LIMCH1: variants seen among roughly 807,000 people sequenced by gnomAD.
LIMCH1 encodes the protein LIM and calponin homology domains 1, also known as LIM and calponin homology domains-containing protein 1.
Under a neutral mutation model 176.5 loss-of-function variants are expected in LIMCH1, and 113 were observed. The observed-to-expected ratio is 0.64, with a 90% CI of 0.55 to 0.75. The LOEUF is 0.75. LIMCH1 is among the 30% of genes least tolerant of loss of function. LIMCH1 has a pLI of 0.00. For synonymous variants in LIMCH1, 619 were observed against 645.9 expected (o/e 0.96, Z 0.63); for missense variants, 1,674 against 1,814.9 (o/e 0.92, Z 1.41).
At chr4:41,610,353 C>T (rs553967327) in intron 4 of LIMCH1, among the ~76,000 whole-genome samples, 22 of 152,114 alleles carry the variant, frequency 1.4e-4, no homozygotes, top group African/African-American at 2.4e-4. Context: ...ACCAGCGGTC[C>T]GCCTCCCTGA....
At chr4:41,366,258 C>T (rs891313082) in intron 1 of LIMCH1, among the ~76,000 whole-genome samples, 8 of 152,142 alleles carry the variant, frequency 5.3e-5, no homozygotes, top group Middle Eastern at 3.4e-3. Context: ...ACAGTTGGCC[C>T]CTCGAAGTGG....
intron 30 of LIMCH1, among the ~76,000 whole-genome samples, chr4:41,690,950 A>G (rs570900035): frequency 2.0e-5 from 3 of 152,302 alleles, no homozygotes; most frequent in African/African-American, 7.2e-5. Context: ...GGCTCAAGGA[A>G]TATGCTTTTT....
rs4590080 is a variant in LIMCH1, at chr4:41,632,760, G to C, written c.1613G>C (p.Cys538Ser). 0.077 allele frequency: 117,857 copies of C among 1,535,786 alleles called. 12,261 individuals carry two copies. Among genetic ancestry groups the C allele is most frequent in the African/African-American group, 0.51 (37,073 of 73,066 alleles). The change falls in exon 11 of 32, where the codon TGT becomes TCT. Residue 538 changes from cysteine to serine, a missense_variant. Coordinates refer to ENST00000503057, the MANE Select transcript of LIMCH1 (RefSeq NM_001330672.2). ...TTGATCGTCTGCAGAACAATGAATT[G>C]TGGCCGAGGTGACTATTGCAGAAGG... Reference protein sequence around the residue: ...NRQNDCRTMNCGRGDYCRRAS... With the variant: ...NRQNDCRTMNSGRGDYCRRAS...
chr4:41,432,013 T>A (rs993247091), intron 1 of LIMCH1, among the ~76,000 whole-genome samples: 3 of 152,246 alleles, frequency 2.0e-5, no homozygotes, highest in African/African-American at 7.2e-5. Context: ...CTATGACTAT[T>A]ACTTGCACAT....
chr4:41,488,248 A>G (rs2070079347), intron 1 of LIMCH1, among the ~76,000 whole-genome samples: 1 of 152,252 alleles, frequency 6.6e-6, no homozygotes, highest in Non-Finnish European at 1.5e-5. Flanking sequence ...TTCTTGGTGA[A>G]CAAAGTTAGT....
At chr4:41,468,947 T>G (rs1267631162) in intron 1 of LIMCH1, among the ~76,000 whole-genome samples, 1 of 152,136 alleles carries the variant, frequency 6.6e-6, no homozygotes, top group African/African-American at 2.4e-5. Context: ...GGCAAAGTGT[T>G]TATCCTGATA....
intron 18 of LIMCH1, among the ~76,000 whole-genome samples, chr4:41,653,543 C>T (rs2094373291): frequency 6.6e-6 from 1 of 152,284 alleles, no homozygotes; most frequent in African/African-American, 2.4e-5. Context: ...ACTGCATTCC[C>T]AACAGATACA....
chr4:41,575,340 T>C (rs2084287470), intron 1 of LIMCH1, among the ~76,000 whole-genome samples: 1 of 152,234 alleles, frequency 6.6e-6, no homozygotes, highest in African/African-American at 2.4e-5. Flanking sequence ...AATCATTCAG[T>C]AAATATTTAT....
In LIMCH1 at chr4:41,380,397, C is replaced by T. The variant is rs58448558; in HGVS notation, c.96+19461C>T. Among the ~76,000 whole-genome samples the T allele has an allele frequency of 4.6e-3, 696 of 150,780 alleles. 10 individuals are homozygous for T. Among genetic ancestry groups the T allele is most frequent in the African/African-American group, 0.016 (659 of 41,046 alleles). ...CCTCCTGGCCTCAAGCAATCCTGCC[C>T]TGGCCTCCCAAAGTGCTGGGATTAC... On this transcript the variant is annotated intron_variant, in intron 1 of 26. Coordinates refer to the LIMCH1 transcript ENST00000313860.
intron 3 of LIMCH1, 181 bp downstream of exon 3, chr4:41,604,086 GGGTGGT>G (rs2090352777): frequency 1.9e-6 from 1 of 519,354 alleles, no homozygotes; most frequent in Non-Finnish European, 2.5e-6. Context: ...TGTTGGGCTG[GGGTGGT>G]GGTGGTTCTC....
chr4:41,369,078 T>C (rs767535471), intron 1 of LIMCH1, among the ~76,000 whole-genome samples: 17 of 152,194 alleles, frequency 1.1e-4, no homozygotes, highest in Admixed American at 2.6e-4. Context: ...GAGGGGGCTT[T>C]ATAAACTACT....
chr4:41,614,129 A>G (rs2091792560), intron 5 of LIMCH1, among the ~76,000 whole-genome samples: 1 of 152,242 alleles, frequency 6.6e-6, no homozygotes, highest in African/African-American at 2.4e-5. Flanking sequence ...TGCAACTTTA[A>G]TTGGCATGTT....
At chr4:41,442,375 C>A (rs773450678) in intron 1 of LIMCH1, among the ~76,000 whole-genome samples, 14 of 152,092 alleles carry the variant, frequency 9.2e-5, no homozygotes, top group Non-Finnish European at 1.8e-4. Context: ...ATCAAAGATG[C>A]ATTTTACGAA....
chr4:41,394,235 T>C (rs1460913679), intron 1 of LIMCH1, among the ~76,000 whole-genome samples: 3 of 152,206 alleles, frequency 2.0e-5, no homozygotes, highest in Admixed American at 6.5e-5. Context: ...AGGTGGTTGC[T>C]GTGGAACGTT....
chr4:41,539,017 C>A (rs576706898), intron 1 of LIMCH1, among the ~76,000 whole-genome samples: 1 of 152,026 alleles, frequency 6.6e-6, no homozygotes, highest in South Asian at 2.1e-4. Context: ...CCGTCAGACC[C>A]GTCTGAATGC....
intron 3 of LIMCH1, among the ~76,000 whole-genome samples, chr4:41,526,065 A>C (rs1428661626): frequency 6.6e-6 from 1 of 152,122 alleles, no homozygotes; most frequent in Admixed American, 6.5e-5. Flanking sequence ...GGGCACATGC[A>C]TTTGTCTTTA....
chr4:41,401,290 T>A (rs1412017683), intron 1 of LIMCH1, among the ~76,000 whole-genome samples: 4 of 152,344 alleles, frequency 2.6e-5, no homozygotes, highest in African/African-American at 9.6e-5. Context: ...AAATAGGGAA[T>A]CCTTTCCCCA....
chr4:41,431,395 G>T (rs1403666544), intron 1 of LIMCH1, among the ~76,000 whole-genome samples: 1 of 152,152 alleles, frequency 6.6e-6, no homozygotes, highest in African/African-American at 2.4e-5. Flanking sequence ...GTCATATGAA[G>T]AGCATAAGAA....
chr4:41,562,815 T>C (rs1174371813), intron 1 of LIMCH1, among the ~76,000 whole-genome samples: 5 of 152,150 alleles, frequency 3.3e-5, no homozygotes, highest in African/African-American at 9.7e-5. Flanking sequence ...AAAATATTGC[T>C]CTTTCTGGGT....
Sources: gnomAD v4.1 joint callset for allele counts (sites outside exome capture counted in the v4.1 genomes callset) on GRCh38, gnomAD v4.1.1 for gene constraint, MANE v1.5 for transcripts, NCBI Gene and HGNC (gene_info 2026-07-23, HGNC 2026-07-21) for gene names.